The following METTL6 variants were observed in gnomAD, a reference collection of about 807,000 sequenced individuals.
METTL6 encodes methyltransferase 6, tRNA N3-cytidine, also known as tRNA N(3)-cytidine methyltransferase METTL6.
METTL6 carries 22 observed loss-of-function variants against 26.4 expected under a neutral mutation model. That is an observed-to-expected ratio of 0.83 (90% CI 0.59 to 1.19). The LOEUF (loss-of-function observed/expected upper bound fraction) is 1.19. Ranked by LOEUF, METTL6 falls within the 50% of genes most tolerant of loss-of-function variation. The pLI, the probability that METTL6 is intolerant of heterozygous loss-of-function variation, is 0.00. For synonymous variants in METTL6, 109 were observed against 116.2 expected, an observed-to-expected ratio of 0.94 and a Z score of 0.40; for missense variants, 304 against 324.8, an observed-to-expected ratio of 0.94 and a Z score of 0.49.
At chr3:15,424,038 C>T (rs1356327271) in intron 3 of METTL6, among the ~76,000 whole-genome samples, 1 of 152,104 alleles carries the variant, frequency 6.6e-6, no homozygotes, top group African/African-American at 2.4e-5. Flanking sequence ...GAGACCCCAT[C>T]TCTACAAACA....
intron 6 of METTL6, among the ~76,000 whole-genome samples, chr3:15,404,333 C>T (rs1482644443): frequency 6.6e-6 from 1 of 151,922 alleles, no homozygotes; most frequent in Non-Finnish European, 1.5e-5. Context: ...AAGTGAAAAA[C>T]ATCTGATTTA....
chr3:15,426,195 T>C, intron 2 of METTL6, 92 bp downstream of exon 2: 1 of 1,271,342 alleles, frequency 7.9e-7, no homozygotes, highest in Non-Finnish European at 1.1e-6. Context: ...TGCCTTGGCC[T>C]CCCCAAGTAC....
chr3:15,390,384 T>C (rs1435874211), intron 6 of METTL6, among the ~76,000 whole-genome samples: 2 of 152,066 alleles, frequency 1.3e-5, no homozygotes, highest in Non-Finnish European at 2.9e-5. Flanking sequence ...GCCAAGATCA[T>C]GCCACTGCAC....
chr3:15,423,580 A>T (rs2061654106), intron 3 of METTL6, among the ~76,000 whole-genome samples: 1 of 151,352 alleles, frequency 6.6e-6, no homozygotes, highest in South Asian at 2.1e-4. Flanking sequence ...AAAAATTTAA[A>T]AACTAGCCAG....
intron 1 of METTL6, 59 bp downstream of exon 1, chr3:15,427,343 A>G: frequency 4.6e-6 from 1 of 216,470 alleles, no homozygotes; most frequent in Non-Finnish European, 9.6e-6. Flanking sequence ...AGCCACGCTC[A>G]GGGCTCACCG....
At chr3:15,406,091 G>A (rs62242152), downstream of METTL6, among the ~76,000 whole-genome samples, 36,947 of 151,378 alleles carry the variant, frequency 0.24, 5,486 homozygotes, top group South Asian at 0.41. Context: ...GAAACATATA[G>A]TACTATATAG....
intron 4 of METTL6, 195 bp from the exon 5 acceptor site, chr3:15,414,357 CTTTTTT>C: frequency 5.4e-6 from 6 of 1,118,552 alleles, no homozygotes; most frequent in Admixed American, 4.5e-5. Flanking sequence ...TAAGACACTT[CTTTTTT>C]TTTTTTTTTT....
At chr3:15,381,409 G>A (rs1699081495) in exon 7 of METTL6, 1 of 152,192 alleles carries the variant, frequency 6.6e-6, no homozygotes, top group Non-Finnish European at 1.5e-5. Context: ...GGAAGAGGGA[G>A]GGAGTTGAGG....
chr3:15,385,035 C>T (rs555019386), intron 6 of METTL6, among the ~76,000 whole-genome samples: 16 of 152,296 alleles, frequency 1.1e-4, no homozygotes, highest in African/African-American at 3.8e-4. Flanking sequence ...CAGAGAGACA[C>T]AATCTTCAGA....
intron 6 of METTL6, among the ~76,000 whole-genome samples, chr3:15,399,755 G>A (rs1314959750): frequency 6.6e-6 from 1 of 151,976 alleles, no homozygotes; most frequent in African/African-American, 2.4e-5. Flanking sequence ...CCCCATCCAA[G>A]GTACCTCACC....
At chr3:15,385,008 G>A (rs773100026) in intron 6 of METTL6, among the ~76,000 whole-genome samples, 1 of 152,180 alleles carries the variant, frequency 6.6e-6, no homozygotes, top group East Asian at 1.9e-4. Context: ...TGTGTGGTAT[G>A]CAAAATTTAT....
At chr3:15,389,832 G>A (rs1479158269) in intron 6 of METTL6, among the ~76,000 whole-genome samples, 1 of 149,228 alleles carries the variant, frequency 6.7e-6, no homozygotes, top group African/African-American at 2.5e-5. Context: ...ACAGGCATAC[G>A]CCACCGCGCC....
At position 15,426,415 on chromosome 3, in the gene METTL6, T is replaced by TA; in HGVS notation, c.96dup (p.Lys33Ter). On this transcript the variant is annotated frameshift_variant, in exon 2 of 6. Transcript: ENST00000383790. LOFTEE classifies it high-confidence loss of function. ...GCCTCTTGTTCCAATTTCTGCTGTT[T>TA]AAAATCAGACACCAAAGTTTGGTCT... is the stretch of plus-strand genomic sequence containing the variant. 1 of 1,614,240 alleles carries TA rather than the reference T, an allele frequency of 6.2e-7. No homozygotes were observed. The highest frequency in any genetic ancestry group is 1.1e-5 in the South Asian group (1 of 91,086).
intron 6 of METTL6, among the ~76,000 whole-genome samples, chr3:15,396,131 C>T (rs1192596994): frequency 6.6e-6 from 1 of 152,198 alleles, no homozygotes; most frequent in African/African-American, 2.4e-5. Context: ...TGCAGGTACA[C>T]CAATCAAACG....
At chr3:15,390,589 G>A (rs1699317711) in intron 6 of METTL6, among the ~76,000 whole-genome samples, 1 of 152,194 alleles carries the variant, frequency 6.6e-6, no homozygotes, top group East Asian at 1.9e-4. Flanking sequence ...GTGAGTGAGT[G>A]CAGGAACTGG....
rs1700185773 is a variant in METTL6 at position 15,415,912 on chromosome 3, T to C, written c.391A>G (p.Lys131Glu). The change falls in exon 4 of 6, where the codon AAG (lysine) becomes GAG (glutamate). Residue 131 changes from lysine to glutamate, a missense_variant. Coordinates refer to ENST00000383790, the MANE Select transcript of METTL6 (RefSeq NM_152396.4). ...QNPLYDTERC[K>E]VFQCDLTKDD... ...TTAGTCAGATCACACTGGAATACCT[T>C]GCATCTTTCTGTATCATATAAAGGA... is the stretch of plus-strand genomic sequence containing the variant. 1 of 1,612,516 alleles carries C rather than the reference T, an allele frequency of 6.2e-7. No homozygotes were observed. Among genetic ancestry groups the C allele is most frequent in the Non-Finnish European group, 8.5e-7 (1 of 1,179,618 alleles).
chr3:15,404,238 T>C (rs1273442727), intron 6 of METTL6, among the ~76,000 whole-genome samples: 1 of 152,178 alleles, frequency 6.6e-6, no homozygotes, highest in East Asian at 1.9e-4. Context: ...CCAGCCATAG[T>C]GACCCCAGAG....
intron 3 of METTL6, among the ~76,000 whole-genome samples, chr3:15,417,173 T>C (rs544166045): frequency 6.6e-6 from 1 of 151,856 alleles, no homozygotes; most frequent in Non-Finnish European, 1.5e-5. Flanking sequence ...TTTAAAAAAA[T>C]AGGCCAGGTG....
At chr3:15,401,957 C>A (rs1699658968) in intron 6 of METTL6, among the ~76,000 whole-genome samples, 1 of 152,184 alleles carries the variant, frequency 6.6e-6, no homozygotes, top group Non-Finnish European at 1.5e-5. Context: ...TTCTTTACTT[C>A]TCTAATAAAC....
Sources: gnomAD v4.1 joint callset for allele counts (sites outside exome capture counted in the v4.1 genomes callset) on GRCh38, gnomAD v4.1.1 for gene constraint, MANE v1.5 for transcripts, NCBI Gene and HGNC (gene_info 2026-07-23, HGNC 2026-07-21) for gene names.